The following NBEA variants were observed in gnomAD, a reference collection of about 807,000 sequenced individuals.
NBEA encodes the protein lysosomal-trafficking regulator 2.
In NBEA, 44 loss-of-function variants were observed where a neutral mutation model predicts 343.4. That is an observed-to-expected ratio of 0.13 (90% CI 0.10 to 0.16). The LOEUF is 0.16. NBEA is among the 10% of genes least tolerant of loss of function. The pLI is 1.00. For synonymous variants in NBEA, 1,175 were observed against 1,238.7 expected (o/e 0.95, Z 1.08); for missense variants, 2,555 against 3,631.3 (o/e 0.70, Z 7.62).
At chr13:35,626,141 A>C (rs2083219815) in intron 48 of NBEA, among the ~76,000 whole-genome samples, 1 of 152,196 alleles carries the variant, frequency 6.6e-6, no homozygotes, top group Non-Finnish European at 1.5e-5. Flanking sequence ...TAAGTGAGAA[A>C]AGTAAGGAAC....
chr13:35,188,906 G>GTTTTTTTTTTTTTTTT (rs571102808), intron 30 of NBEA, among the ~76,000 whole-genome samples: 10 of 109,760 alleles, frequency 9.1e-5, no homozygotes, highest in Non-Finnish European at 1.1e-4. Context: ...TTTACTTTTT[G>GTTTTTTTTTTTTTTTT]TTTTTTTTTT....
At chr13:35,430,383 T>C (rs2045022977) in intron 38 of NBEA, among the ~76,000 whole-genome samples, 1 of 152,310 alleles carries the variant, frequency 6.6e-6, no homozygotes, top group Non-Finnish European at 1.5e-5. Context: ...TCTCCCATTT[T>C]ATGGGTTGTC....
intron 33 of NBEA, among the ~76,000 whole-genome samples, chr13:35,229,412 C>G (rs999653804): frequency 6.6e-6 from 1 of 152,092 alleles, no homozygotes; most frequent in Non-Finnish European, 1.5e-5. Context: ...CCCCTAAAGT[C>G]AGTATATTAT....
chr13:35,483,632 T>C lies in NBEA; in HGVS notation c.6585+11096T>C, dbSNP rs567874948. On this transcript the variant is annotated intron_variant, in intron 41 of 58. Coordinates refer to ENST00000379939, the MANE Select transcript of NBEA (RefSeq NM_001385012.1). ...TTCAAATATTTTGTCTTTTTACAAC[T>C]TGGAATAGTACAACTAGTCTTTTAT... Among the ~76,000 whole-genome samples the C allele has an allele frequency of 2.6e-5, 4 of 152,200 alleles. No individual in the cohort carries two copies. The East Asian group carries it at 7.7e-4, about 29-fold the overall frequency.
chr13:35,157,867 G>A (rs1235906242), intron 21 of NBEA, among the ~76,000 whole-genome samples: 3 of 152,128 alleles, frequency 2.0e-5, no homozygotes, highest in Non-Finnish European at 4.4e-5. Context: ...AAGCATGGGT[G>A]TCAGAAGTAT....
In NBEA at chr13:35,452,483, G is replaced by A. The variant is rs138026797; in HGVS notation, c.6448+248G>A. 5.2e-3 allele frequency among the ~76,000 whole-genome samples: 798 copies of A among 152,094 alleles called. 9 individuals carry two copies. Among genetic ancestry groups the A allele is most frequent in the African/African-American group, 0.018 (751 of 41,490 alleles). On this transcript the variant is annotated intron_variant, in intron 40 of 58. Coordinates refer to ENST00000379939, the MANE Select transcript of NBEA (RefSeq NM_001385012.1). ...ATGAAGAGCAATTTTTTATATAGAA[G>A]GAATAATACACAGTATCAGTTATTC...
intron 41 of NBEA, among the ~76,000 whole-genome samples, chr13:35,529,502 A>G (rs2078151966): frequency 6.6e-6 from 1 of 152,230 alleles, no homozygotes; most frequent in Admixed American, 6.5e-5. Context: ...AGTGTAGTAG[A>G]AAGTACATTT....
rs1178133372 is a variant in NBEA at position 35,193,048 on chromosome 13, C to A, written c.4928-2816C>A. 2.6e-5 allele frequency among the ~76,000 whole-genome samples: 4 copies of A among 151,944 alleles called. No homozygotes were observed. The East Asian group carries it at 7.7e-4, about 29-fold the overall frequency. On this transcript the variant is annotated intron_variant, in intron 30 of 58. Transcript: ENST00000379939. Reference sequence around the variant, plus strand: ...ATAAAAATTAGCCCATGCTAGTAACCATGACACTGTTTTGTTTTTGTTGTT... The same window carrying A: ...ATAAAAATTAGCCCATGCTAGTAACAATGACACTGTTTTGTTTTTGTTGTT...
intron 35 of NBEA, among the ~76,000 whole-genome samples, chr13:35,304,534 A>G (rs1220323790): frequency 6.6e-6 from 1 of 152,132 alleles, no homozygotes; most frequent in Non-Finnish European, 1.5e-5. Context: ...TTGTATGACA[A>G]AAGCAGTTCT....
At chr13:35,115,134 G>A (rs911050000) in intron 13 of NBEA, among the ~76,000 whole-genome samples, 258 of 152,056 alleles carry the variant, frequency 1.7e-3, no homozygotes, top group African/African-American at 6.1e-3. Flanking sequence ...ATCATACAAA[G>A]GTTTATAAAT....
intron 39 of NBEA, among the ~76,000 whole-genome samples, chr13:35,435,116 C>T (rs1251540689): frequency 2.0e-5 from 3 of 152,090 alleles, no homozygotes; most frequent in African/African-American, 7.2e-5. Flanking sequence ...TCAACCTTCA[C>T]CTCCTGGGTT....
chr13:35,006,786 T>C (rs73487637), intron 1 of NBEA, among the ~76,000 whole-genome samples: 16,563 of 152,264 alleles, frequency 0.11, 1,096 homozygotes, highest in African/African-American at 0.17. Flanking sequence ...CTCACTCTGT[T>C]GCCCAGGCCA....
chr13:35,275,397 A>G (rs2034508728), intron 34 of NBEA, among the ~76,000 whole-genome samples: 1 of 152,202 alleles, frequency 6.6e-6, no homozygotes, highest in South Asian at 2.1e-4. Context: ...ACACCATAAA[A>G]ACCCTGGAAG....
At chr13:34,968,167 G>C (rs1014819110) in intron 1 of NBEA, among the ~76,000 whole-genome samples, 3 of 152,120 alleles carry the variant, frequency 2.0e-5, no homozygotes, top group Admixed American at 6.6e-5. Context: ...GAGGGAGTGG[G>C]CTATAGAGCT....
chr13:35,385,255 T>A (rs1328068161), intron 38 of NBEA, among the ~76,000 whole-genome samples: 1 of 152,202 alleles, frequency 6.6e-6, no homozygotes, highest in African/African-American at 2.4e-5. Flanking sequence ...GTAAAGGTTT[T>A]AAAATTTTTG....
chr13:35,102,731 A>G (rs2065706909), intron 11 of NBEA, among the ~76,000 whole-genome samples: 2 of 151,864 alleles, frequency 1.3e-5, no homozygotes, highest in Admixed American at 1.3e-4. Context: ...ATTTATGTTG[A>G]ACTTTTATAT....
chr13:35,031,290 G>A lies in NBEA; in HGVS notation c.295-9643G>A, dbSNP rs574121768. Among the ~76,000 whole-genome samples, 5 of 151,774 alleles carry A rather than the reference G, an allele frequency of 3.3e-5. No individual in the cohort carries two copies. The East Asian group carries it at 9.7e-4, about 29-fold the overall frequency. On this transcript the variant is annotated intron_variant, in intron 1 of 58. Coordinates refer to ENST00000379939, the MANE Select transcript of NBEA (RefSeq NM_001385012.1). The stretch of plus-strand genomic sequence containing the variant: ...TCACAGTAGTGACAGACTGAAGTCA[G>A]TTGGGCTCATAATAATGAACAAAAA...
chr13:35,553,236 A>C (rs961033068), intron 43 of NBEA, among the ~76,000 whole-genome samples: 2 of 152,156 alleles, frequency 1.3e-5, no homozygotes, highest in African/African-American at 4.8e-5. Context: ...AAGGCAGCTC[A>C]GTAGTTTTGG....
intron 46 of NBEA, among the ~76,000 whole-genome samples, chr13:35,592,316 C>T (rs948493907): frequency 1.3e-5 from 2 of 152,194 alleles, no homozygotes; most frequent in Admixed American, 1.3e-4. Context: ...TATTGAGCAA[C>T]TTCTATGTAC....
Sources: allele counts gnomAD v4.1 joint callset (sites outside exome capture counted in the v4.1 genomes callset), GRCh38; gene constraint gnomAD v4.1.1; transcripts MANE v1.5; gene names NCBI Gene and HGNC (gene_info 2026-07-23, HGNC 2026-07-21).